DAGLA: variants seen among roughly 807,000 people sequenced by gnomAD.
DAGLA encodes diacylglycerol lipase alpha.
DAGLA carries 22 observed loss-of-function variants against 102.6 expected under a neutral mutation model. The ratio of observed to expected loss-of-function variants is 0.21; its 90% CI spans 0.15 to 0.31. The LOEUF (loss-of-function observed/expected upper bound fraction) is 0.31. Ranked by LOEUF, DAGLA falls within the 10% of genes least tolerant of loss-of-function variation. The pLI, the probability that DAGLA is intolerant of heterozygous loss-of-function variation, is 1.00. For synonymous variants in DAGLA, 578 were observed against 628.9 expected, an observed-to-expected ratio of 0.92 and a Z score of 1.21; for missense variants, 927 against 1,446.6, an observed-to-expected ratio of 0.64 and a Z score of 5.83.
At chr11:61,685,670 G>A (rs920062503) in intron 1 of DAGLA, among the ~76,000 whole-genome samples, 1 of 152,178 alleles carries the variant, frequency 6.6e-6, no homozygotes, top group Admixed American at 6.5e-5. Context: ...AGAAATGAGT[G>A]ATGCCAGAGG....
intron 1 of DAGLA, among the ~76,000 whole-genome samples, chr11:61,713,466 G>A (rs1180223584): frequency 2.0e-5 from 3 of 152,198 alleles, no homozygotes; most frequent in Non-Finnish European, 2.9e-5. Flanking sequence ...TAGGAGAACC[G>A]AAGCAGCCCA....
chr11:61,681,713 C>T (rs1399219655), intron 1 of DAGLA, among the ~76,000 whole-genome samples: 1 of 152,076 alleles, frequency 6.6e-6, no homozygotes, highest in Non-Finnish European at 1.5e-5. Flanking sequence ...CCGGGACTCC[C>T]ACCCCCAGGC....
chr11:61,701,724 C>T (rs2065111481), intron 1 of DAGLA, among the ~76,000 whole-genome samples: 1 of 152,180 alleles, frequency 6.6e-6, no homozygotes, highest in South Asian at 2.1e-4. Context: ...TACCGAGTCT[C>T]ACCCCCGAGC....
At chr11:61,712,455 A>G (rs2065201722) in intron 1 of DAGLA, among the ~76,000 whole-genome samples, 1 of 152,036 alleles carries the variant, frequency 6.6e-6, no homozygotes, top group African/African-American at 2.4e-5. Context: ...GGAGGGGACA[A>G]ATGTCAGTGG....
At chr11:61,725,923 C>G in intron 5 of DAGLA, 72 bp from the exon 6 acceptor site, 1 of 1,412,686 alleles carries the variant, frequency 7.1e-7, no homozygotes, top group Non-Finnish European at 1.0e-6. Context: ...GCCCTGTTTC[C>G]ATAACGTCTG....
In DAGLA at chr11:61,720,852, C is replaced by A; in HGVS notation, c.269C>A (p.Pro90His). 1 of 1,613,440 alleles carries A rather than the reference C, an allele frequency of 6.2e-7. No individual in the cohort carries two copies. The highest frequency in any genetic ancestry group is 8.5e-7 in the Non-Finnish European group (1 of 1,180,026). ...SMRGGILYTE[P>H]RDSMQYVLYV... The stretch of plus-strand genomic sequence containing the variant: ...CGCGGGGGCATCCTCTACACGGAGC[C>A]CCGTGACTCCATGCAGTACGTGCTC... Residue 90 changes from proline (P) to histidine (H), a missense_variant, in exon 3 of 20, where the codon CCC (proline) becomes CAC (histidine). Around this residue, in one of 4 missense-constraint regions of DAGLA, gnomAD observed 231 missense variants for 439.8 expected, o/e 0.53. Transcript: ENST00000257215.
chr11:61,739,341 GC>G, intron 16 of DAGLA, 123 bp from the exon 17 acceptor site: 1 of 957,740 alleles, frequency 1.0e-6, no homozygotes, highest in South Asian at 1.6e-5. Context: ...CCCTTCCCCT[GC>G]CCCTTTGCCA....
chr11:61,702,097 G>T (rs533604329), intron 1 of DAGLA, among the ~76,000 whole-genome samples: 1 of 151,908 alleles, frequency 6.6e-6, no homozygotes, highest in Admixed American at 6.6e-5. Context: ...AATTTTTTTT[G>T]TAAAAATGGG....
At chr11:61,707,765 C>A (rs933552205) in intron 1 of DAGLA, among the ~76,000 whole-genome samples, 2 of 152,086 alleles carry the variant, frequency 1.3e-5, no homozygotes, top group African/African-American at 4.8e-5. Flanking sequence ...ATGGGGTGCA[C>A]TCAGTGGCTG....
intron 1 of DAGLA, among the ~76,000 whole-genome samples, chr11:61,702,531 C>G (rs1481195519): frequency 6.6e-6 from 1 of 152,216 alleles, no homozygotes; most frequent in Non-Finnish European, 1.5e-5. Context: ...ATCATCTGGT[C>G]AACCCCCTCA....
intron 1 of DAGLA, among the ~76,000 whole-genome samples, chr11:61,694,342 A>G (rs2065047248): frequency 6.6e-6 from 1 of 152,130 alleles, no homozygotes; most frequent in Admixed American, 6.5e-5. Context: ...TTGCGCGTAA[A>G]TGGCTGCTCA....
intron 17 of DAGLA, 94 bp from the exon 18 acceptor site, chr11:61,740,369 C>A: frequency 6.7e-7 from 1 of 1,495,998 alleles, no homozygotes; most frequent in Non-Finnish European, 9.0e-7. Flanking sequence ...GCCAGCTCTG[C>A]TGAGCAGGGC....
At chr11:61,714,438 C>T (rs755621606) in intron 1 of DAGLA, among the ~76,000 whole-genome samples, 3 of 152,250 alleles carry the variant, frequency 2.0e-5, no homozygotes, top group Non-Finnish European at 4.4e-5. Context: ...GAAGTAGGCA[C>T]ATGGTTGATG....
intron 16 of DAGLA, 64 bp from the exon 17 acceptor site, chr11:61,739,401 G>C: frequency 1.4e-5 from 20 of 1,410,244 alleles, no homozygotes; most frequent in South Asian, 3.1e-5. Context: ...CGGTCCCCCT[G>C]CCCCTGCCCC....
At chr11:61,702,822 C>G (rs1040349574) in intron 1 of DAGLA, among the ~76,000 whole-genome samples, 2 of 152,318 alleles carry the variant, frequency 1.3e-5, no homozygotes, top group African/African-American at 4.8e-5. Flanking sequence ...GCTAGGGAGC[C>G]CTCCAGTAGC....
intron 4 of DAGLA, 51 bp downstream of exon 4, chr11:61,723,011 G>A: frequency 7.0e-7 from 1 of 1,423,916 alleles, no homozygotes. Context: ...GGGGCACAGG[G>A]GACGAGATCA....
At chr11:61,682,310 C>A (rs1476947899) in intron 1 of DAGLA, among the ~76,000 whole-genome samples, 3 of 152,020 alleles carry the variant, frequency 2.0e-5, no homozygotes, top group African/African-American at 7.3e-5. Flanking sequence ...GTAAAGAGAC[C>A]AGGGCTGGAG....
Position 61,735,768 on chromosome 11 carries a change from T to C in DAGLA, c.1242T>C (p.Ala414=), listed in dbSNP as rs751058165. ...KDALTDLTGD[A]ERLPVEGHHG... is the part of the protein sequence containing the mutation. Reference sequence around the variant, plus strand: ...CCCTGACTGACCTGACGGGTGATGCTGAGCGCCTCCCCGTGGAGGGGCACC... The same window carrying C: ...CCCTGACTGACCTGACGGGTGATGCCGAGCGCCTCCCCGTGGAGGGGCACC... The change falls in exon 12 of 20, where the codon GCT becomes GCC. Residue 414 remains alanine, a synonymous_variant. Transcript: ENST00000257215. 1.2e-6 allele frequency: 2 copies of C among 1,613,458 alleles called. No homozygotes were observed. Among genetic ancestry groups the C allele is most frequent in the Admixed American group, 1.7e-5 (1 of 59,934 alleles).
chr11:61,732,804 C>A (rs1196537968), intron 9 of DAGLA, among the ~76,000 whole-genome samples: 1 of 152,184 alleles, frequency 6.6e-6, no homozygotes, highest in African/African-American at 2.4e-5. Flanking sequence ...TCCATAACAG[C>A]CTGGCCAGAG....
Sources: gnomAD v4.1 joint callset for allele counts (sites outside exome capture counted in the v4.1 genomes callset) on GRCh38, gnomAD v4.1.1 for gene constraint, gnomAD v4.1.1 regional missense constraint, MANE v1.5 for transcripts, NCBI Gene and HGNC (gene_info 2026-07-23, HGNC 2026-07-21) for gene names.